KCNQ1: variants seen among roughly 807,000 people sequenced by gnomAD.
KCNQ1 encodes the protein potassium voltage-gated channel subfamily KQT member 1.
KCNQ1 carries 49 observed loss-of-function variants against 72.4 expected under a neutral mutation model. That is an observed-to-expected ratio of 0.68 (90% confidence interval 0.54 to 0.86). The LOEUF (loss-of-function observed/expected upper bound fraction) is 0.86, where lower values mean the gene tolerates loss of function less well. Among genes scored for constraint, KCNQ1 ranks in the 40% least tolerant of loss-of-function variants. KCNQ1 has a pLI of 0.00. For synonymous variants in KCNQ1, 450 were observed against 412.6 expected, an observed-to-expected ratio of 1.09 and a Z score of -1.10; for missense variants, 790 against 945.1, an observed-to-expected ratio of 0.84 and a Z score of 2.15.
At chr11:2,552,795 C>T (rs1212160177) in intron 2 of KCNQ1, among the ~76,000 whole-genome samples, 3 of 152,132 alleles carry the variant, frequency 2.0e-5, no homozygotes, top group Non-Finnish European at 4.4e-5. Context: ...CTTAGTAATA[C>T]CGAGTTTTCC....
chr11:2,732,427 A>G (rs1590058121), intron 11 of KCNQ1, among the ~76,000 whole-genome samples: 3 of 152,314 alleles, frequency 2.0e-5, no homozygotes, highest in Admixed American at 6.5e-5. Flanking sequence ...TGGGCTGGGC[A>G]GGGGACTCCT....
At chr11:2,829,359 T>C (rs1309979309) in intron 15 of KCNQ1, among the ~76,000 whole-genome samples, 1 of 151,922 alleles carries the variant, frequency 6.6e-6, no homozygotes, top group Non-Finnish European at 1.5e-5. Flanking sequence ...CTCAATAGGA[T>C]GAAAGAAGTT....
Position 2,603,168 on chromosome 11 carries a change from T to G in KCNQ1, c.1393+14314T>G, listed in dbSNP as rs1302220550. On this transcript the variant is annotated intron_variant, in intron 10 of 15. Transcript: ENST00000155840. This position sits in a 1 kb window ranked among gnomAD's most constrained non-coding sequence, Gnocchi z 4.1. ...GAAGCAAATATTGCAATAAAGCAAG[T>G]CACACAAATTTTTTGGTTTGCCACT... Among the ~76,000 whole-genome samples, 1 of 152,226 alleles carries G rather than the reference T, an allele frequency of 6.6e-6. No homozygotes were observed. The highest frequency in any genetic ancestry group is 6.5e-5 in the Admixed American group (1 of 15,282).
chr11:2,528,154 A>AG, intron 2 of KCNQ1, 136 bp downstream of exon 2: 1 of 792,792 alleles, frequency 1.3e-6, no homozygotes, highest in South Asian at 1.4e-5. Flanking sequence ...GCCCTGATAC[A>AG]GGGGGCACCT....
chr11:2,733,789 C>T (rs1424565508), intron 11 of KCNQ1, among the ~76,000 whole-genome samples: 1 of 65,162 alleles, frequency 1.5e-5, no homozygotes, highest in Non-Finnish European at 3.1e-5. Context: ...CACACACACA[C>T]ACACACACAC....
intron 10 of KCNQ1, chr11:2,643,878 C>T: frequency 2.5e-6 from 1 of 398,542 alleles, no homozygotes. Flanking sequence ...GTATTCCTGG[C>T]TGGCAGGTTT....
intron 11 of KCNQ1, among the ~76,000 whole-genome samples, chr11:2,733,866 C>A (rs2133944246): frequency 1.5e-5 from 1 of 65,376 alleles, no homozygotes; most frequent in East Asian, 6.2e-4. Context: ...TCCCCCCCCA[C>A]TTCAGGGCCT....
chr11:2,474,121 T>C (rs946475920), intron 1 of KCNQ1, among the ~76,000 whole-genome samples: 3 of 152,112 alleles, frequency 2.0e-5, no homozygotes, highest in African/African-American at 7.2e-5. Flanking sequence ...CGAAACAGGC[T>C]TTCCTCACTG....
In KCNQ1 at chr11:2,564,209, G is replaced by A. The variant is rs562782368; in HGVS notation, c.478-6419G>A. Among the ~76,000 whole-genome samples the A allele has an allele frequency of 6.7e-4, 102 of 152,334 alleles. No homozygotes were observed. The highest frequency in any genetic ancestry group is 4.6e-3 in the South Asian group (22 of 4,828). ...GGCGGTTCAGCCAACACCTGTCTCC[G>A]GTTCCAGAGCTTTTTCATCACCTCA... On this transcript the variant is annotated intron_variant, in intron 2 of 15. Transcript: ENST00000155840. The surrounding 1 kb of genome is among the most constrained non-coding windows in gnomAD (Gnocchi z 4.5).
chr11:2,587,724 C>T, intron 9 of KCNQ1, 32 bp downstream of exon 9: 1 of 1,613,292 alleles, frequency 6.2e-7, no homozygotes, highest in Non-Finnish European at 8.5e-7. Context: ...AGGGCAGGGC[C>T]TTCTTGCTAG....
intron 10 of KCNQ1, chr11:2,630,004 G>A (rs1849327144): frequency 2.5e-6 from 1 of 396,976 alleles, no homozygotes; most frequent in Non-Finnish European, 4.4e-6. Flanking sequence ...CCTCATCTTA[G>A]AGGAGAGGCA....
In KCNQ1 at chr11:2,682,355, C is replaced by T; in HGVS notation, c.1514+20274C>T. On this transcript the variant is annotated intron_variant, in intron 11 of 15. Transcript: ENST00000155840. This position sits in a 1 kb window ranked among gnomAD's most constrained non-coding sequence, Gnocchi z 5.8. Reference sequence around the variant, plus strand: ...TTATTTGTGGTAAAGGGTTTACTGGCTGGCTCCTTCTATCACATTCAAGGA... The same window carrying T: ...TTATTTGTGGTAAAGGGTTTACTGGTTGGCTCCTTCTATCACATTCAAGGA... The T allele has an allele frequency of 2.5e-6, 1 of 398,630 alleles. No individual in the cohort carries two copies. Among genetic ancestry groups the T allele is most frequent in the Non-Finnish European group, 4.4e-6 (1 of 226,078 alleles). 24.7% of individuals were successfully genotyped at this position (398,630 alleles called of 1,614,324 possible).
chr11:2,793,068 G>A (rs1003695599), intron 15 of KCNQ1, among the ~76,000 whole-genome samples: 5 of 152,240 alleles, frequency 3.3e-5, no homozygotes, highest in Admixed American at 6.5e-5. Context: ...CCCCGTCAGG[G>A]CAGGAGCTGC....
intron 11 of KCNQ1, chr11:2,697,021 C>T (rs1023543373): frequency 2.5e-6 from 1 of 398,284 alleles, no homozygotes; most frequent in Non-Finnish European, 4.4e-6. Flanking sequence ...CTGGGGATTC[C>T]AGAGAGCCCC....
At chr11:2,571,473 G>A in intron 4 of KCNQ1, 70 bp downstream of exon 4, 1 of 1,295,798 alleles carries the variant, frequency 7.7e-7, no homozygotes, top group Non-Finnish European at 1.1e-6. Context: ...GCCGCGGGTG[G>A]TCTCACGCCC....
chr11:2,447,234 G>C lies in KCNQ1; in HGVS notation c.386+1750G>C, dbSNP rs1336857530. Among the ~76,000 whole-genome samples, 1 of 152,086 alleles carries C rather than the reference G, an allele frequency of 6.6e-6. No individual in the cohort carries two copies. Among genetic ancestry groups the C allele is most frequent in the African/African-American group, 2.4e-5 (1 of 41,364 alleles). On this transcript the variant is annotated intron_variant, in intron 1 of 15. Transcript: ENST00000155840. The surrounding 1 kb of genome is among the most constrained non-coding windows in gnomAD (Gnocchi z 7.6). Reference sequence around the variant, plus strand: ...TAGGTCTCGGAAGTTTGCTCAGCAAGAGTCTACCTTCGCCCAGCCTCCGCA... The same window carrying C: ...TAGGTCTCGGAAGTTTGCTCAGCAACAGTCTACCTTCGCCCAGCCTCCGCA...
intron 1 of KCNQ1, among the ~76,000 whole-genome samples, chr11:2,449,329 C>T (rs1447992551): frequency 6.6e-6 from 1 of 152,216 alleles, no homozygotes; most frequent in African/African-American, 2.4e-5. Flanking sequence ...TTTTGCTTGG[C>T]AGTTGCGAGG....
chr11:2,847,519 T>C (rs546350980), intron 15 of KCNQ1, among the ~76,000 whole-genome samples: 48 of 152,196 alleles, frequency 3.2e-4, no homozygotes, highest in African/African-American at 1.1e-3. Context: ...TGTGGACACA[T>C]ATAGGGACTC....
chr11:2,758,719 C>T (rs959862864), intron 11 of KCNQ1, among the ~76,000 whole-genome samples: 5 of 152,236 alleles, frequency 3.3e-5, no homozygotes, highest in Admixed American at 3.3e-4. Context: ...CACTACCCAG[C>T]AGTAGAAAGG....
Sources: gnomAD v4.1 joint callset for allele counts (sites outside exome capture counted in the v4.1 genomes callset) on GRCh38, gnomAD v4.1.1 for gene constraint, Gnocchi (gnomAD v3.1) non-coding constraint, MANE v1.5 for transcripts, NCBI Gene and HGNC (gene_info 2026-07-23, HGNC 2026-07-21) for gene names.